The following CLYBL variants were observed in gnomAD, a reference collection of about 807,000 sequenced individuals.
CLYBL encodes the protein citramalyl-CoA lyase, also known as citramalyl-CoA lyase, mitochondrial.
A neutral mutation model predicts 38.9 loss-of-function variants in CLYBL; 31 were observed. The observed-to-expected ratio is 0.80, with a 90% confidence interval of 0.60 to 1.08. The LOEUF (loss-of-function observed/expected upper bound fraction) is 1.08, where lower values mean the gene tolerates loss of function less well. CLYBL is among the 50% of genes least tolerant of loss of function. The probability of loss-of-function intolerance (pLI) is 0.00; values close to 1 mark genes in which losing one functional copy is unlikely to be tolerated. For missense variants in CLYBL, 434 were observed against 411.6 expected (o/e 1.05, Z -0.47); for synonymous variants, 171 against 158.6 (o/e 1.08, Z -0.59).
At chr13:99,731,215 A>G (rs2048584396) in intron 1 of CLYBL, among the ~76,000 whole-genome samples, 1 of 152,076 alleles carries the variant, frequency 6.6e-6, no homozygotes, top group African/African-American at 2.4e-5. Flanking sequence ...CATGGACAGA[A>G]AAGTTGTATG....
At chr13:99,779,582 A>G (rs926193393) in intron 2 of CLYBL, among the ~76,000 whole-genome samples, 21 of 152,232 alleles carry the variant, frequency 1.4e-4, no homozygotes, top group Non-Finnish European at 7.3e-5. Context: ...AAAATACAAT[A>G]CAAATGAATT....
At chr13:99,726,653 C>T (rs1327543694) in intron 1 of CLYBL, 1 of 152,296 alleles carries the variant, frequency 6.6e-6, no homozygotes, top group Non-Finnish European at 1.5e-5. Flanking sequence ...GAGACTTAAA[C>T]TCTGAATAAT....
chr13:99,843,194 T>A (rs996031680), intron 2 of CLYBL, among the ~76,000 whole-genome samples: 5 of 152,120 alleles, frequency 3.3e-5, no homozygotes. Flanking sequence ...AGCAGGTAAT[T>A]TGGCCTGGCA....
intron 1 of CLYBL, among the ~76,000 whole-genome samples, chr13:99,762,610 C>T (rs1474124448): frequency 6.6e-6 from 1 of 152,162 alleles, no homozygotes; most frequent in African/African-American, 2.4e-5. Flanking sequence ...TGTGATGCTT[C>T]CAGCTTTGTT....
downstream of CLYBL, among the ~76,000 whole-genome samples, chr13:99,899,781 C>T (rs745699686): frequency 5.9e-5 from 9 of 152,110 alleles, no homozygotes; most frequent in African/African-American, 1.4e-4. Context: ...ATGCTTGGCA[C>T]GTAGTAGGCA....
intron 2 of CLYBL, among the ~76,000 whole-genome samples, chr13:99,842,785 TG>T (rs1452211994): frequency 6.6e-6 from 1 of 152,058 alleles, no homozygotes; most frequent in Non-Finnish European, 1.5e-5. Flanking sequence ...TGTCAGCCTG[TG>T]GTCCCAGCTA....
At chr13:99,647,285 C>T (rs999704538) in intron 1 of CLYBL, among the ~76,000 whole-genome samples, 27 of 152,206 alleles carry the variant, frequency 1.8e-4, no homozygotes, top group African/African-American at 6.5e-4. Flanking sequence ...TGTTCATAGG[C>T]AGCAGAGAGG....
At chr13:99,844,161 C>CCGACCCT (rs2051146864) in intron 2 of CLYBL, among the ~76,000 whole-genome samples, 5 of 152,176 alleles carry the variant, frequency 3.3e-5, no homozygotes, top group Admixed American at 2.6e-4. Context: ...GGGTAACTCA[C>CCGACCCT]CGACCCTCGA....
intron 1 of CLYBL, among the ~76,000 whole-genome samples, chr13:99,755,055 G>A (rs35877939): frequency 0.23 from 34,662 of 151,200 alleles, 4,040 homozygotes; most frequent in East Asian, 0.31. Flanking sequence ...CTGCCACCAC[G>A]CCCGGCTAAT....
intron 1 of CLYBL, among the ~76,000 whole-genome samples, chr13:99,642,886 C>T (rs1373325521): frequency 1.3e-5 from 2 of 152,090 alleles, no homozygotes; most frequent in African/African-American, 2.4e-5. Context: ...AGCCTCCCAA[C>T]TAGCTACAGC....
chr13:99,832,688 A>G (rs1387662354), intron 2 of CLYBL, among the ~76,000 whole-genome samples: 2 of 152,074 alleles, frequency 1.3e-5, no homozygotes, highest in African/African-American at 4.8e-5. Context: ...CAAGCTGGCC[A>G]TTTACCACTT....
At chr13:99,883,285 C>G (rs1374321878) in intron 7 of CLYBL, among the ~76,000 whole-genome samples, 1 of 152,120 alleles carries the variant, frequency 6.6e-6, no homozygotes, top group Admixed American at 6.5e-5. Flanking sequence ...CTTTGGGAGG[C>G]CGAGGCGGGT....
At chr13:99,778,701 T>G (rs576229247) in intron 2 of CLYBL, among the ~76,000 whole-genome samples, 1 of 152,140 alleles carries the variant, frequency 6.6e-6, no homozygotes, top group East Asian at 1.9e-4. Context: ...CTTTTCATTG[T>G]TAAATGCATG....
At chr13:99,709,091 TA>T (rs928043889) in intron 1 of CLYBL, among the ~76,000 whole-genome samples, 1 of 149,736 alleles carries the variant, frequency 6.7e-6, no homozygotes, top group Non-Finnish European at 1.5e-5. Context: ...AGACTCTGTC[TA>T]AAAAAAAAGA....
intron 1 of CLYBL, among the ~76,000 whole-genome samples, chr13:99,676,186 G>GTCCGTCCTTCCGTCCTTCCT (rs1459044000): frequency 7.5e-6 from 1 of 132,994 alleles, no homozygotes; most frequent in South Asian, 2.4e-4. Context: ...CCCTCCGTCC[G>GTCCGTCCTTCCGTCCTTCCT]TCCTTCCTTC....
At chr13:99,619,987 A>G in intron 1 of CLYBL, among the ~76,000 whole-genome samples, 1 of 152,228 alleles carries the variant, frequency 6.6e-6, no homozygotes, top group South Asian at 2.1e-4. Flanking sequence ...CCTTCTCCTG[A>G]CATTAAGGGA....
intron 1 of CLYBL, among the ~76,000 whole-genome samples, chr13:99,623,112 T>G (rs1257872362): frequency 6.6e-6 from 1 of 152,258 alleles, no homozygotes; most frequent in Non-Finnish European, 1.5e-5. Context: ...TCAGTTCCTT[T>G]AGGTTTATAC....
Position 99,754,748 on chromosome 13 carries a change from C to CTTT in CLYBL, c.63-18061_63-18059dup, listed in dbSNP as rs35982336. Among the ~76,000 whole-genome samples, 404 of 124,398 alleles carry CTTT rather than the reference C, an allele frequency of 3.2e-3. 7 individuals carry two copies. The highest frequency in any genetic ancestry group is 6.0e-3 in the South Asian group (22 of 3,688). 81.6% of individuals were successfully genotyped at this position (124,398 alleles called of 152,430 possible). On this transcript the variant is annotated intron_variant, in intron 1 of 8. Transcript: ENST00000339105. Reference sequence around the variant, plus strand: ...TACAGGCGTGTGCCACCATGCCCAGCTTTTTTTTTTTTTTTTTGTATTATT... The same window carrying CTTT: ...TACAGGCGTGTGCCACCATGCCCAGCTTTTTTTTTTTTTTTTTTTTGTATTATT...
intron 2 of CLYBL, among the ~76,000 whole-genome samples, chr13:99,819,660 G>A (rs2050547954): frequency 6.6e-6 from 1 of 151,440 alleles, no homozygotes; most frequent in Non-Finnish European, 1.5e-5. Context: ...GAACCAGGGA[G>A]GCCACATATG....
Sources: allele counts gnomAD v4.1 joint callset (sites outside exome capture counted in the v4.1 genomes callset), GRCh38; gene constraint gnomAD v4.1.1; transcripts MANE v1.5; gene names NCBI Gene and HGNC (gene_info 2026-07-23, HGNC 2026-07-21).